Variants in MTX2 observed in about 807,000 individuals in gnomAD.
The protein encoded by MTX2 is metaxin 2.
MTX2 carries 35 observed loss-of-function variants against 42.3 expected under a neutral mutation model. The observed-to-expected ratio is 0.83, with a 90% CI of 0.63 to 1.10. MTX2 has a LOEUF of 1.10. MTX2 is among the 50% of genes least tolerant of loss of function. The probability of loss-of-function intolerance (pLI) is 0.00; values close to 1 mark genes in which losing one functional copy is unlikely to be tolerated. For missense variants in MTX2, 307 were observed against 304.1 expected (o/e 1.01, Z -0.07); for synonymous variants, 119 against 100.9 (o/e 1.18, Z -1.08).
chr2:176,269,821 C>T (rs1266931891), intron 1 of MTX2, 152 bp downstream of exon 1: 13 of 963,048 alleles, frequency 1.3e-5, no homozygotes, highest in Non-Finnish European at 1.9e-5. Flanking sequence ...AACCTTATCT[C>T]ACATATGGGA....
intron 1 of MTX2, among the ~76,000 whole-genome samples, chr2:176,276,824 G>C (rs1407169342): frequency 6.6e-6 from 1 of 152,030 alleles, no homozygotes; most frequent in East Asian, 1.9e-4. Flanking sequence ...CTCCACCGGT[G>C]CCTTGCCATA....
intron 3 of MTX2, among the ~76,000 whole-genome samples, chr2:176,298,609 ATTTAC>A (rs1268945658): frequency 6.6e-6 from 1 of 152,150 alleles, no homozygotes; most frequent in Non-Finnish European, 1.5e-5. Flanking sequence ...TTTAGCTGCC[ATTTAC>A]TTAGCTTGTG....
intron 4 of MTX2, among the ~76,000 whole-genome samples, chr2:176,325,911 C>T (rs1173078961): frequency 6.6e-6 from 1 of 151,642 alleles, no homozygotes. Context: ...CCTATGGATG[C>T]AGTTGAAGCT....
At chr2:176,277,731 A>G (rs1692981660) in intron 1 of MTX2, among the ~76,000 whole-genome samples, 1 of 152,022 alleles carries the variant, frequency 6.6e-6, no homozygotes, top group Non-Finnish European at 1.5e-5. Context: ...AAATAAAGAT[A>G]TTTTGTTATT....
intron 1 of MTX2, among the ~76,000 whole-genome samples, chr2:176,296,016 C>T (rs1363974449): frequency 1.3e-5 from 2 of 152,080 alleles, no homozygotes; most frequent in Admixed American, 6.6e-5. Flanking sequence ...CAAGTGATAT[C>T]CTGATATCCT....
Position 176,329,306 on chromosome 2 carries a change from T to G in MTX2, c.423T>G (p.Thr141=), listed in dbSNP as rs1021522899. 6.2e-6 allele frequency: 10 copies of G among 1,603,980 alleles called. No homozygotes were observed. In the Admixed American group the frequency reaches 1.7e-4, roughly 27 times the overall value. ...WCDEATVGEI[T]HARYGSPYPW... Reference sequence around the variant, plus strand: ...ACAAAATCTTTTTACTTTAGATCACTCATGCTAGGTATGGATCTCCTTACC... The same window carrying G: ...ACAAAATCTTTTTACTTTAGATCACGCATGCTAGGTATGGATCTCCTTACC... Residue 141 remains threonine (T), a synonymous_variant, in exon 8 of 10, where the codon ACT becomes ACG. Transcript: ENST00000249442.
intron 1 of MTX2, among the ~76,000 whole-genome samples, chr2:176,288,058 C>T (rs1157640227): frequency 2.6e-5 from 4 of 152,050 alleles, no homozygotes; most frequent in African/African-American, 9.7e-5. Flanking sequence ...CTTCTGCTTA[C>T]ACATCCTGTA....
chr2:176,274,024 T>G (rs1692886958), intron 1 of MTX2, among the ~76,000 whole-genome samples: 1 of 152,172 alleles, frequency 6.6e-6, no homozygotes. Context: ...AGATGTGCAC[T>G]TTGCTTGAAT....
chr2:176,337,279 C>T (rs1261136432), intron 9 of MTX2, among the ~76,000 whole-genome samples: 1 of 152,088 alleles, frequency 6.6e-6, no homozygotes, highest in Non-Finnish European at 1.5e-5. Flanking sequence ...TGAGTTCAAA[C>T]AGTCCGCCCA....
chr2:176,284,421 C>T (rs1693149949), intron 1 of MTX2, among the ~76,000 whole-genome samples: 1 of 152,152 alleles, frequency 6.6e-6, no homozygotes, highest in African/African-American at 2.4e-5. Flanking sequence ...TTGTTAACCT[C>T]TAGAAGTTTG....
chr2:176,272,239 G>T (rs1451901526), intron 1 of MTX2, among the ~76,000 whole-genome samples: 1 of 152,122 alleles, frequency 6.6e-6, no homozygotes, highest in Non-Finnish European at 1.5e-5. Context: ...GTTACCAGAG[G>T]CTGAGGGGGA....
At chr2:176,319,292 T>C (rs1434310183) in intron 3 of MTX2, among the ~76,000 whole-genome samples, 1 of 152,202 alleles carries the variant, frequency 6.6e-6, no homozygotes, top group Non-Finnish European at 1.5e-5. Context: ...TGATAAGATA[T>C]TGAAAGTCAA....
rs770050494 is a variant in MTX2, at chr2:176,329,330, C to T, written c.447C>T (p.Tyr149=). ...CTCATGCTAGGTATGGATCTCCTTA[C>T]CCTTGGCCTCTGAATCATATTTTGG... ...EITHARYGSP[Y]PWPLNHILAY... is the part of the protein sequence containing the mutation. Residue 149 remains tyrosine (Y), a synonymous_variant, in exon 8 of 10, where the codon TAC becomes TAT. Coordinates refer to ENST00000249442, the MANE Select transcript of MTX2 (RefSeq NM_006554.5). 1.2e-6 allele frequency: 2 copies of T among 1,607,456 alleles called. No homozygotes were observed. Among genetic ancestry groups the T allele is most frequent in the Non-Finnish European group, 1.7e-6 (2 of 1,175,508 alleles).
intron 1 of MTX2, among the ~76,000 whole-genome samples, chr2:176,273,581 A>G (rs1692875362): frequency 6.6e-6 from 1 of 152,112 alleles, no homozygotes; most frequent in Non-Finnish European, 1.5e-5. Context: ...TCTCTGTGGT[A>G]TTCTTGAAGT....
chr2:176,326,842 C>A lies in MTX2; in HGVS notation c.226C>A (p.His76Asn). ...MSPSGKVPFI[H>N]VGNQVVSELG... ...CTCAACAGGTAAAGTACCTTTTATT[C>A]ATGTGGGAAATCAAGTAGTATCAGA... The change falls in exon 5 of 10, where the codon CAT becomes AAT. Residue 76 changes from histidine to asparagine, a missense_variant. Physicochemically the swap from His to Asn is moderately conservative, Grantham distance 68 (BLOSUM62 1). Coordinates refer to ENST00000249442, the MANE Select transcript of MTX2 (RefSeq NM_006554.5). 1.3e-6 allele frequency: 2 copies of A among 1,568,922 alleles called. No individual in the cohort carries two copies. Among genetic ancestry groups the A allele is most frequent in the South Asian group, 1.2e-5 (1 of 84,688 alleles).
intron 2 of MTX2, among the ~76,000 whole-genome samples, chr2:176,297,253 T>C (rs1683909669): frequency 6.6e-6 from 1 of 152,186 alleles, no homozygotes; most frequent in African/African-American, 2.4e-5. Context: ...AAGGAACTGT[T>C]AAAATGTATA....
rs531728810 is a variant in MTX2 at position 176,337,027 on chromosome 2, T to G, written c.621-466T>G. On this transcript the variant is annotated intron_variant, in intron 9 of 9. Coordinates refer to ENST00000249442, the MANE Select transcript of MTX2 (RefSeq NM_006554.5). ...GTGCAGTGTTTGCATGTAATCTATG[T>G]ACATCCGTATATTTTAAATCATCTT... is the stretch of plus-strand genomic sequence containing the variant. 2.0e-5 allele frequency among the ~76,000 whole-genome samples: 3 copies of G among 152,268 alleles called. No homozygotes were observed. The South Asian group carries it at 6.2e-4, about 32-fold the overall frequency.
At chr2:176,293,444 C>G (rs975052665) in intron 1 of MTX2, among the ~76,000 whole-genome samples, 1 of 152,224 alleles carries the variant, frequency 6.6e-6, no homozygotes, top group East Asian at 1.9e-4. Context: ...ATGTAATCCC[C>G]GTTGTTGGAG....
intron 1 of MTX2, among the ~76,000 whole-genome samples, chr2:176,290,460 A>T (rs1271838748): frequency 3.3e-5 from 5 of 152,174 alleles, no homozygotes; most frequent in Non-Finnish European, 7.4e-5. Context: ...TTAGAACGGC[A>T]TTCTCCAATG....
Sources: allele counts gnomAD v4.1 joint callset (sites outside exome capture counted in the v4.1 genomes callset), GRCh38; gene constraint gnomAD v4.1.1; transcripts MANE v1.5; gene names NCBI Gene and HGNC (gene_info 2026-07-23, HGNC 2026-07-21).